Variants in EPSTI1 observed in about 807,000 individuals in gnomAD.
EPSTI1 encodes epithelial-stromal interaction protein 1.
A neutral mutation model predicts 49.9 loss-of-function variants in EPSTI1; 66 were observed. The observed-to-expected ratio is 1.32, with a 90% CI of 1.08 to 1.62. EPSTI1 has a LOEUF of 1.62. EPSTI1 is among the 40% of genes most tolerant of loss of function. The pLI, the probability that EPSTI1 is intolerant of heterozygous loss-of-function variation, is 0.00. For synonymous variants in EPSTI1, 137 were observed against 130.7 expected (o/e 1.05, Z -0.33); for missense variants, 394 against 365.5 (o/e 1.08, Z -0.64).
chr13:42,983,268 T>C (rs1977273), intron 1 of EPSTI1, among the ~76,000 whole-genome samples: 74,608 of 151,928 alleles, frequency 0.49, 18,943 homozygotes, highest in South Asian at 0.61. Context: ...TTAATGTCAA[T>C]ATAAAACAAT....
chr13:42,965,696 TCTC>T (rs1436769375), intron 3 of EPSTI1, among the ~76,000 whole-genome samples: 1 of 5,192 alleles, frequency 1.9e-4, no homozygotes, highest in Admixed American at 2.7e-3. Context: ...TCCCTCTCCC[TCTC>T]CCTCTCCCTC....
At chr13:42,976,223 C>T (rs1018591236) in intron 1 of EPSTI1, among the ~76,000 whole-genome samples, 3 of 152,166 alleles carry the variant, frequency 2.0e-5, no homozygotes, top group African/African-American at 4.8e-5. Flanking sequence ...TTATGATGGG[C>T]GCAACAGGAT....
At position 42,967,304 on chromosome 13, in the gene EPSTI1, A is replaced by G. The variant is rs1176164867; in HGVS notation, c.331+1790T>C. On this transcript the variant is annotated intron_variant, in intron 3 of 10. Transcript: ENST00000313624. ...AAAAATAAATTAAAAAAAAAAAAAA[A>G]AAAAAAAGAAAATCAGCTGGAGACC... 2.1e-4 allele frequency among the ~76,000 whole-genome samples: 32 copies of G among 150,906 alleles called. 6 individuals carry two copies. Among genetic ancestry groups the G allele is most frequent in the African/African-American group, 6.8e-4 (28 of 41,020 alleles).
At chr13:42,981,441 T>C (rs1029018658) in intron 1 of EPSTI1, among the ~76,000 whole-genome samples, 6 of 152,214 alleles carry the variant, frequency 3.9e-5, no homozygotes, top group African/African-American at 1.4e-4. Flanking sequence ...GATTTATTGT[T>C]TCACCGTTCC....
chr13:42,934,368 G>C (rs79566446), intron 6 of EPSTI1: 2 of 156,114 alleles, frequency 1.3e-5, no homozygotes, highest in East Asian at 3.9e-4. Context: ...TTTGACCATC[G>C]TTAGGTTTGG....
rs963385344 is a variant in EPSTI1, at chr13:42,963,482, C to T, written c.406-144G>A. On this transcript the variant is annotated intron_variant, in intron 4 of 10. Coordinates refer to ENST00000313624, the MANE Select transcript of EPSTI1 (RefSeq NM_033255.5). ...GATTATAGGTTGTTACTTCAAGCTA[C>T]TTAGATCACAGAGAATGGCCGGGCT... is the stretch of plus-strand genomic sequence containing the variant. 1.3e-4 allele frequency: 80 copies of T among 634,338 alleles called. No individual in the cohort carries two copies. In the East Asian group the frequency reaches 2.2e-3, roughly 17 times the overall value. 39.3% of individuals were successfully genotyped at this position (634,338 alleles called of 1,614,324 possible). A position where few individuals can be genotyped will look rare whatever the true frequency, so the allele number is the denominator to read the frequency against.
At chr13:42,936,606 T>C (rs2038573692) in intron 6 of EPSTI1, among the ~76,000 whole-genome samples, 1 of 152,252 alleles carries the variant, frequency 6.6e-6, no homozygotes, top group Non-Finnish European at 1.5e-5. Context: ...AGAGCTCCTC[T>C]GTATTTGGTC....
intron 6 of EPSTI1, among the ~76,000 whole-genome samples, chr13:42,933,334 A>G (rs1253682349): frequency 6.8e-6 from 1 of 147,844 alleles, no homozygotes; most frequent in East Asian, 2.0e-4. Flanking sequence ...AAAAAAAAAG[A>G]GTCTGCCTCA....
Position 42,917,437 on chromosome 13 carries a change from T to C in EPSTI1, c.741+104A>G, listed in dbSNP as rs2037861198. 10 of 1,001,220 alleles carry C rather than the reference T, an allele frequency of 1.0e-5. No individual in the cohort carries two copies. The Admixed American group carries it at 1.7e-4, about 17-fold the overall frequency. The allele number at this position is 1,001,220 out of a possible 1,614,324, so 62.0% of individuals were successfully genotyped here. A position where few individuals can be genotyped will look rare whatever the true frequency, so the allele number is the denominator to read the frequency against. On this transcript the variant is annotated intron_variant, in intron 8 of 10. Transcript: ENST00000313624. ...TATTTTCAATGCTTGTATTCTTGTT[T>C]TCAGGATTTTCATGTGTCTAAATAT... is the stretch of plus-strand genomic sequence containing the variant.
intron 7 of EPSTI1, among the ~76,000 whole-genome samples, chr13:42,925,841 T>A (rs575651835): frequency 2.0e-5 from 3 of 152,242 alleles, no homozygotes; most frequent in African/African-American, 7.2e-5. Flanking sequence ...CTGACTTAGA[T>A]GCTTCTTCCT....
At chr13:42,891,560 T>C (rs2037035762) in intron 10 of EPSTI1, among the ~76,000 whole-genome samples, 1 of 152,248 alleles carries the variant, frequency 6.6e-6, no homozygotes, top group Non-Finnish European at 1.5e-5. Context: ...TGCTTGGTTG[T>C]CTTTCATTAT....
chr13:42,960,758 T>C (rs2039423727), intron 5 of EPSTI1, among the ~76,000 whole-genome samples: 1 of 152,216 alleles, frequency 6.6e-6, no homozygotes, highest in Non-Finnish European at 1.5e-5. Context: ...GCTACCCACA[T>C]TCCTGGGCTA....
intron 1 of EPSTI1, among the ~76,000 whole-genome samples, chr13:42,986,616 A>G (rs2040083657): frequency 6.6e-6 from 1 of 152,024 alleles, no homozygotes; most frequent in South Asian, 2.1e-4. Context: ...ATGGTGGCAC[A>G]TGCCTGTAAT....
Position 42,922,298 on chromosome 13 carries a change from A to G in EPSTI1, c.657+4038T>C, listed in dbSNP as rs2038027276. Among the ~76,000 whole-genome samples the G allele has an allele frequency of 1.3e-5, 2 of 152,238 alleles. No individual in the cohort carries two copies. The highest frequency in any genetic ancestry group is 2.9e-5 in the Non-Finnish European group (2 of 68,048). ...ATCTGTGAATGTTTCTTTATGTGAC[A>G]AAAGGGACTTTGCAGAAATTAAGGA... On this transcript the variant is annotated intron_variant, in intron 7 of 10. Transcript: ENST00000313624. This position sits in a 1 kb window ranked among gnomAD's most constrained non-coding sequence, Gnocchi z 4.8.
chr13:42,974,259 C>G (rs1594754647), intron 1 of EPSTI1, among the ~76,000 whole-genome samples: 1 of 151,992 alleles, frequency 6.6e-6, no homozygotes, highest in East Asian at 1.9e-4. Context: ...TCGCTTGATC[C>G]CAGGGGGCAG....
At chr13:42,907,847 C>T (rs1270536941) in intron 8 of EPSTI1, among the ~76,000 whole-genome samples, 1 of 152,148 alleles carries the variant, frequency 6.6e-6, no homozygotes, top group Non-Finnish European at 1.5e-5. Context: ...GCCATCTCTG[C>T]TTTATTCGAA....
intron 6 of EPSTI1, among the ~76,000 whole-genome samples, chr13:42,949,237 C>T (rs1167316032): frequency 6.6e-6 from 1 of 152,198 alleles, no homozygotes. Flanking sequence ...CTTACCCCTT[C>T]CAGGTCTTCC....
intron 1 of EPSTI1, among the ~76,000 whole-genome samples, chr13:42,971,153 G>A (rs2039757385): frequency 6.6e-6 from 1 of 152,200 alleles, no homozygotes; most frequent in African/African-American, 2.4e-5. Context: ...CTAGGCCTAT[G>A]TCCACTGGTC....
At chr13:42,948,154 G>A (rs997049962) in intron 6 of EPSTI1, among the ~76,000 whole-genome samples, 1 of 152,276 alleles carries the variant, frequency 6.6e-6, no homozygotes, top group Non-Finnish European at 1.5e-5. Flanking sequence ...TCTAGGCCAG[G>A]CAGGGTTAGG....
Sources: gnomAD v4.1 joint callset for allele counts (sites outside exome capture counted in the v4.1 genomes callset) on GRCh38, gnomAD v4.1.1 for gene constraint, Gnocchi (gnomAD v3.1) non-coding constraint, MANE v1.5 for transcripts, NCBI Gene and HGNC (gene_info 2026-07-23, HGNC 2026-07-21) for gene names.